Variants in WDR43 observed in about 807,000 individuals in gnomAD.
The protein encoded by WDR43 is WD repeat domain 43.
A neutral mutation model predicts 91.4 loss-of-function variants in WDR43; 13 were observed. The observed-to-expected ratio is 0.14, with a 90% CI of 0.09 to 0.23. WDR43 has a LOEUF of 0.23. WDR43 is among the 10% of genes least tolerant of loss of function. The pLI is 1.00. For synonymous variants in WDR43, 331 were observed against 287.9 expected (o/e 1.15, Z -1.51); for missense variants, 780 against 809.4 (o/e 0.96, Z 0.44).
intron 6 of WDR43, among the ~76,000 whole-genome samples, chr2:28,918,542 A>AT (rs1670961148): frequency 6.6e-6 from 1 of 151,254 alleles, no homozygotes; most frequent in Non-Finnish European, 1.5e-5. Context: ...CTAATTTTGT[A>AT]TTTTTTAGTA....
chr2:28,932,576 T>G (rs1030602660), intron 11 of WDR43, among the ~76,000 whole-genome samples: 1 of 152,246 alleles, frequency 6.6e-6, no homozygotes, highest in African/African-American at 2.4e-5. Flanking sequence ...GTAACATTTT[T>G]CTTTCTAAAA....
chr2:28,896,021 A>G (rs1188622063), intron 1 of WDR43, among the ~76,000 whole-genome samples: 2 of 152,218 alleles, frequency 1.3e-5, no homozygotes, highest in Non-Finnish European at 2.9e-5. Context: ...TCAAATTTTA[A>G]GCTACATTTT....
intron 7 of WDR43, 60 bp downstream of exon 7, chr2:28,923,043 A>G (rs956759291): frequency 2.7e-5 from 38 of 1,406,438 alleles, no homozygotes; most frequent in Non-Finnish European, 3.6e-5. Flanking sequence ...TTACTTGGTC[A>G]TACTCCCACC....
rs1671552642 is a variant in WDR43 at position 28,946,848 on chromosome 2, CTG to C, written c.*72_*73del. ...CCTTGCCCAGTGGTGAGGGCTGCCT[CTG>C]TGCCAGGATGCCAAGGACCGCTGCA... On this transcript the variant is annotated 3_prime_UTR_variant, in exon 18 of 18. Transcript: ENST00000407426. The C allele has an allele frequency of 1.4e-6, 2 of 1,459,670 alleles. No individual in the cohort carries two copies. Among genetic ancestry groups the C allele is most frequent in the Admixed American group, 5.3e-5 (2 of 37,944 alleles). The allele number at this position is 1,459,670 out of a possible 1,614,324, so 90.4% of individuals were successfully genotyped here.
rs113092465 is a variant in WDR43 at position 28,944,145 on chromosome 2, C to CA, written c.1804+1770dup. On this transcript the variant is annotated intron_variant, in intron 16 of 17. Coordinates refer to ENST00000407426, the MANE Select transcript of WDR43 (RefSeq NM_015131.3). The stretch of plus-strand genomic sequence containing the variant: ...TATAGTTCAAATAAAACAACATATC[C>CA]AAAAAATAGAGTGGAGAAGCAGATA... 1.6e-3 allele frequency among the ~76,000 whole-genome samples: 236 copies of CA among 152,180 alleles called. 1 individual carries two copies. The highest frequency in any genetic ancestry group is 2.3e-3 in the Non-Finnish European group (159 of 68,002).
At chr2:28,915,663 G>C (rs1670892470) in intron 5 of WDR43, among the ~76,000 whole-genome samples, 1 of 152,208 alleles carries the variant, frequency 6.6e-6, no homozygotes, top group African/African-American at 2.4e-5. Flanking sequence ...CATGGGGATA[G>C]GTAGAGCGGG....
At chr2:28,939,848 C>G in intron 14 of WDR43, among the ~76,000 whole-genome samples, 1 of 152,072 alleles carries the variant, frequency 6.6e-6, no homozygotes, top group Non-Finnish European at 1.5e-5. Flanking sequence ...TGGCTCACAC[C>G]TGTAATCCCT....
intron 2 of WDR43, among the ~76,000 whole-genome samples, chr2:28,904,361 A>G (rs1274591737): frequency 2.6e-5 from 4 of 152,184 alleles, no homozygotes; most frequent in Non-Finnish European, 5.9e-5. Context: ...TTTTATTAAG[A>G]CTTAAATGTA....
At chr2:28,921,745 C>T (rs12620680) in intron 6 of WDR43, among the ~76,000 whole-genome samples, 40,396 of 151,828 alleles carry the variant, frequency 0.27, 6,539 homozygotes, top group East Asian at 0.77. Flanking sequence ...GGGGTTTCAC[C>T]CTGTTGTCCA....
At chr2:28,905,665 C>CTTTTTTTT in intron 2 of WDR43, among the ~76,000 whole-genome samples, 1 of 80,120 alleles carries the variant, frequency 1.2e-5, no homozygotes, top group Non-Finnish European at 2.6e-5. Flanking sequence ...CTCTTCTTCT[C>CTTTTTTTT]TTTTTTTTTT....
intron 11 of WDR43, chr2:28,930,171 T>A (rs919356293): frequency 8.5e-6 from 4 of 468,480 alleles, no homozygotes; most frequent in Non-Finnish European, 4.4e-6. Flanking sequence ...GGGGGAAAAT[T>A]CAAGAGGGTT....
intron 2 of WDR43, among the ~76,000 whole-genome samples, chr2:28,905,273 G>A (rs574819684): frequency 2.0e-5 from 3 of 152,300 alleles, no homozygotes; most frequent in African/African-American, 7.2e-5. Context: ...TGCAGTGTGG[G>A]TGATTTAGCA....
Position 28,929,586 on chromosome 2 carries a change from T to G in WDR43, c.1313T>G (p.Ile438Ser). 6.2e-7 allele frequency: 1 copy of G among 1,611,728 alleles called. No individual in the cohort carries two copies. The highest frequency in any genetic ancestry group is 8.5e-7 in the Non-Finnish European group (1 of 1,178,728). ...KRKSGGNEVS[I>S]EERLGAMDID... ...ATCCTTTCTGTTCTGTAGGTTAGCA[T>G]TGAAGAACGTCTGGGAGCAATGGAT... is the stretch of plus-strand genomic sequence containing the variant. The change falls in exon 11 of 18, where the codon ATT becomes AGT. Residue 438 changes from isoleucine to serine, a missense_variant. By Grantham distance (142) the Ile-to-Ser change is moderately radical (BLOSUM62 -2). Transcript: ENST00000407426.
At chr2:28,900,462 G>A (rs183754207) in intron 1 of WDR43, among the ~76,000 whole-genome samples, 140 of 152,266 alleles carry the variant, frequency 9.2e-4, no homozygotes, top group Admixed American at 2.9e-3. Flanking sequence ...GATTACAGGC[G>A]TGAGCCACCA....
chr2:28,935,439 C>A, intron 11 of WDR43, 82 bp from the exon 12 acceptor site: 2 of 977,390 alleles, frequency 2.0e-6, no homozygotes, highest in Non-Finnish European at 3.0e-6. Flanking sequence ...TTAAAGGATT[C>A]ATTTTTACAG....
intron 2 of WDR43, among the ~76,000 whole-genome samples, chr2:28,904,267 T>A (rs959489149): frequency 2.6e-5 from 4 of 152,200 alleles, no homozygotes; most frequent in Admixed American, 2.0e-4. Flanking sequence ...TGTCCTGAGG[T>A]TGAATCCTAC....
At chr2:28,901,949 C>T (rs775365191) in intron 1 of WDR43, 38 bp from the exon 2 acceptor site, 35 of 1,546,738 alleles carry the variant, frequency 2.3e-5, no homozygotes, top group Middle Eastern at 1.7e-4. Context: ...TTAGTATTTG[C>T]AATACTAAAT....
chr2:28,900,508 A>C (rs1215478771), intron 1 of WDR43, among the ~76,000 whole-genome samples: 4 of 152,210 alleles, frequency 2.6e-5, no homozygotes, highest in African/African-American at 9.6e-5. Flanking sequence ...AAAAAGATGA[A>C]TCTTTTCCTG....
intron 13 of WDR43, among the ~76,000 whole-genome samples, chr2:28,937,213 C>T (rs886515151): frequency 1.3e-5 from 2 of 152,120 alleles, no homozygotes; most frequent in Non-Finnish European, 2.9e-5. Flanking sequence ...GTGTTGATAT[C>T]GTAAAACTGC....
Sources: allele counts gnomAD v4.1 joint callset (sites outside exome capture counted in the v4.1 genomes callset), GRCh38; gene constraint gnomAD v4.1.1; transcripts MANE v1.5; gene names NCBI Gene and HGNC (gene_info 2026-07-23, HGNC 2026-07-21).